Variants in ZEB1 observed in about 807,000 individuals in gnomAD.
ZEB1 encodes the protein zinc finger E-box binding homeobox 1.
Under a neutral mutation model 84.9 loss-of-function variants are expected in ZEB1, and 21 were observed. The observed-to-expected ratio is 0.25, with a 90% CI of 0.18 to 0.36. The LOEUF is 0.36. ZEB1 is among the 10% of genes least tolerant of loss of function. The pLI is 1.00. For missense variants in ZEB1, 1,104 were observed against 1,330.2 expected, an observed-to-expected ratio of 0.83 and a Z score of 2.65; for synonymous variants, 420 against 471.1, an observed-to-expected ratio of 0.89 and a Z score of 1.41.
intron 2 of ZEB1, among the ~76,000 whole-genome samples, chr10:31,461,663 C>T (rs1398692226): frequency 6.6e-6 from 1 of 152,088 alleles, no homozygotes; most frequent in African/African-American, 2.4e-5. Context: ...CCTCTCTATA[C>T]ATACATCAGA....
intron 1 of ZEB1, among the ~76,000 whole-genome samples, chr10:31,427,307 G>A (rs2057072190): frequency 6.6e-6 from 1 of 152,014 alleles, no homozygotes; most frequent in African/African-American, 2.4e-5. Flanking sequence ...TCTTCTAATT[G>A]CCATATTCTT....
chr10:31,405,314 C>T (rs529445527), intron 1 of ZEB1, among the ~76,000 whole-genome samples: 1 of 152,228 alleles, frequency 6.6e-6, no homozygotes, highest in East Asian at 1.9e-4. Context: ...GGTGGTCAAA[C>T]TTCCAATAGA....
intron 1 of ZEB1, among the ~76,000 whole-genome samples, chr10:31,380,909 G>A (rs1007626883): frequency 6.6e-6 from 1 of 152,148 alleles, no homozygotes; most frequent in Non-Finnish European, 1.5e-5. Flanking sequence ...CATATATACA[G>A]TGTTGGTCCT....
At position 31,339,781 on chromosome 10, in the gene ZEB1, A is replaced by C. The variant is rs539719427; in HGVS notation, c.58+20489A>C. Among the ~76,000 whole-genome samples the C allele has an allele frequency of 2.0e-5, 3 of 151,894 alleles. No homozygotes were observed. The South Asian group carries it at 6.2e-4, about 32-fold the overall frequency. On this transcript the variant is annotated intron_variant, in intron 1 of 8. Coordinates refer to ENST00000424869, the MANE Select transcript of ZEB1 (RefSeq NM_001174096.2). ...CTGTCTCAAATTAAAAAAAAAAAAA[A>C]ACCTATATAAAATAGTTTATAGCAG...
At chr10:31,327,830 T>C (rs2133164383) in intron 1 of ZEB1, among the ~76,000 whole-genome samples, 1 of 152,366 alleles carries the variant, frequency 6.6e-6, no homozygotes, top group South Asian at 2.1e-4. Flanking sequence ...TACAACATTC[T>C]ACATTTTGCT....
intron 1 of ZEB1, among the ~76,000 whole-genome samples, chr10:31,450,726 A>G (rs530023061): frequency 7.2e-5 from 11 of 152,138 alleles, no homozygotes; most frequent in Admixed American, 3.9e-4. Flanking sequence ...ATTTTTTTCA[A>G]ATGCCTTTCT....
chr10:31,471,434 C>G (rs1424087441), intron 2 of ZEB1, among the ~76,000 whole-genome samples: 1 of 151,448 alleles, frequency 6.6e-6, no homozygotes, highest in South Asian at 2.1e-4. Context: ...ATAAAACAGA[C>G]CTTAAACCAA....
chr10:31,384,489 T>C (rs1477902652), intron 1 of ZEB1, among the ~76,000 whole-genome samples: 6 of 152,202 alleles, frequency 3.9e-5, no homozygotes, highest in Non-Finnish European at 8.8e-5. Context: ...CAAAGTGAGC[T>C]GAGTATAGTC....
At chr10:31,455,099 A>G (rs962782992) in intron 1 of ZEB1, among the ~76,000 whole-genome samples, 1 of 152,232 alleles carries the variant, frequency 6.6e-6, no homozygotes, top group Non-Finnish European at 1.5e-5. Context: ...AGGCCTCAGA[A>G]ATAACACCAC....
intron 1 of ZEB1, among the ~76,000 whole-genome samples, chr10:31,346,252 TAGGAA>T (rs2040292615): frequency 6.6e-6 from 1 of 152,192 alleles, no homozygotes; most frequent in South Asian, 2.1e-4. Flanking sequence ...AACAGAACTA[TAGGAA>T]ATTTCTTGCT....
intron 2 of ZEB1, among the ~76,000 whole-genome samples, chr10:31,468,293 T>C (rs1409644858): frequency 6.6e-6 from 1 of 151,982 alleles, no homozygotes; most frequent in African/African-American, 2.4e-5. Context: ...CACTCTTGTA[T>C]TCCTTATCAA....
chr10:31,381,942 C>A (rs2047711508), intron 1 of ZEB1: 1 of 133,852 alleles, frequency 7.5e-6, no homozygotes, highest in Middle Eastern at 5.1e-3. Flanking sequence ...CCCCAGGTGG[C>A]AGGGGTTGCA....
At chr10:31,395,723 AGGGACTTCACCTCTTTTCGATGCTGCCT>A (rs1229002085) in intron 1 of ZEB1, among the ~76,000 whole-genome samples, 1 of 152,204 alleles carries the variant, frequency 6.6e-6, no homozygotes, top group South Asian at 2.1e-4. Context: ...GCTGTAAAGG[AGGGACTTCACCTCTTTTCGATGCTGCCT>A]GGGACTAGTT....
chr10:31,399,109 C>G (rs2051399520), intron 1 of ZEB1, among the ~76,000 whole-genome samples: 1 of 151,866 alleles, frequency 6.6e-6, no homozygotes, highest in Non-Finnish European at 1.5e-5. Context: ...ATTCTCCTGC[C>G]TCAGCCTCCC....
In ZEB1 at chr10:31,527,231, G is replaced by A. The variant is rs753017859; in HGVS notation, c.3345G>A (p.Glu1115=). 8.1e-6 allele frequency: 13 copies of A among 1,609,360 alleles called. No individual in the cohort carries two copies. The Admixed American group carries it at 1.7e-4, about 21-fold the overall frequency. The change falls in exon 9 of 9, where the codon GAG becomes GAA. Residue 1115 remains glutamate (E), a synonymous_variant. Transcript: ENST00000424869. ...SLGQKVGESS[E]QVSEEKTNEA The stretch of plus-strand genomic sequence containing the variant: ...GACAAAAAGTAGGCGAGAGTAGTGA[G>A]CAAGTGTCTGAAGAAAAGACAAATG...
rs941562871 is a variant in ZEB1, at chr10:31,440,183, A to G, written c.59-20854A>G. Among the ~76,000 whole-genome samples, 24 of 152,180 alleles carry G rather than the reference A, an allele frequency of 1.6e-4. 1 individual carries two copies. The highest frequency in any genetic ancestry group is 7.2e-5 in the African/African-American group (3 of 41,426). ...ATCACTGAGACTTTTGGCCTGAACA[A>G]CTGGAGGAATGGAATTGCCGTTTAC... On this transcript the variant is annotated intron_variant, in intron 1 of 8. Transcript: ENST00000424869.
intron 4 of ZEB1, among the ~76,000 whole-genome samples, chr10:31,503,679 C>T (rs1428780811): frequency 6.6e-6 from 1 of 151,750 alleles, no homozygotes; most frequent in Non-Finnish European, 1.5e-5. Context: ...AATTTTCATT[C>T]CCACCAAGAA....
At chr10:31,395,373 A>C (rs2050527360) in intron 1 of ZEB1, among the ~76,000 whole-genome samples, 1 of 152,172 alleles carries the variant, frequency 6.6e-6, no homozygotes, top group Non-Finnish European at 1.5e-5. Flanking sequence ...TTATGCAAGA[A>C]GAGTAGCACT....
intron 1 of ZEB1, among the ~76,000 whole-genome samples, chr10:31,379,668 C>T (rs1010022917): frequency 3.3e-5 from 5 of 150,994 alleles, no homozygotes; most frequent in Non-Finnish European, 5.9e-5. Flanking sequence ...TTTACTTGTA[C>T]TAGAATATAT....
Sources: allele counts gnomAD v4.1 joint callset (sites outside exome capture counted in the v4.1 genomes callset), GRCh38; gene constraint gnomAD v4.1.1; transcripts MANE v1.5; gene names NCBI Gene and HGNC (gene_info 2026-07-23, HGNC 2026-07-21).